The following LINGO2 variants were observed in gnomAD, a reference collection of about 807,000 sequenced individuals.
LINGO2 encodes leucine-rich repeat and immunoglobulin-like domain-containing nogo receptor-interacting protein 2.
Under a neutral mutation model 30.6 loss-of-function variants are expected in LINGO2, and 14 were observed. That is an observed-to-expected ratio of 0.46 (90% CI 0.30 to 0.72). LINGO2 has a LOEUF of 0.72. Ranked by LOEUF, LINGO2 falls within the 30% of genes least tolerant of loss-of-function variation. LINGO2 has a pLI of 0.07. For missense variants in LINGO2, 729 were observed against 751.7 expected (o/e 0.97, Z 0.35); for synonymous variants, 317 against 288.5 (o/e 1.10, Z -1.00).
chr9:28,336,391 C>A (rs1020059491), intron 3 of LINGO2, among the ~76,000 whole-genome samples: 2 of 152,220 alleles, frequency 1.3e-5, no homozygotes, highest in Admixed American at 6.5e-5. Flanking sequence ...TTAACAGTAT[C>A]ATTCACAGAA....
chr9:28,177,949 C>A (rs1828793890), intron 4 of LINGO2, among the ~76,000 whole-genome samples: 1 of 152,090 alleles, frequency 6.6e-6, no homozygotes, highest in South Asian at 2.1e-4. Context: ...TTTTCTTTAG[C>A]AGGGGCTTTT....
At chr9:28,901,374 T>C in the LINGO2 span, among the ~76,000 whole-genome samples, 1 of 152,026 alleles carries the variant, frequency 6.6e-6, no homozygotes, top group African/African-American at 2.4e-5. Context: ...CATATTAAAG[T>C]ATAAAACTCA....
the LINGO2 span, among the ~76,000 whole-genome samples, chr9:28,845,083 T>A: frequency 1.3e-5 from 2 of 151,852 alleles, no homozygotes; most frequent in Non-Finnish European, 2.9e-5. Flanking sequence ...AAATTCCTTG[T>A]CTCAAACAGG....
At chr9:28,108,068 G>A (rs1446727111) in intron 4 of LINGO2, among the ~76,000 whole-genome samples, 1 of 152,132 alleles carries the variant, frequency 6.6e-6, no homozygotes, top group Non-Finnish European at 1.5e-5. Context: ...CAAAAAGCTA[G>A]CAGCACTGCC....
the LINGO2 span, among the ~76,000 whole-genome samples, chr9:29,148,890 G>A: frequency 9.2e-5 from 14 of 152,030 alleles, no homozygotes; most frequent in African/African-American, 3.4e-4. Flanking sequence ...AAAGCTATAG[G>A]GCCAACTGTT....
chr9:28,921,057 C>A, the LINGO2 span, among the ~76,000 whole-genome samples: 2 of 152,014 alleles, frequency 1.3e-5, no homozygotes, highest in East Asian at 1.9e-4. Flanking sequence ...ATATGATAGC[C>A]AAATCACCTT....
chr9:28,831,492 G>A, the LINGO2 span, among the ~76,000 whole-genome samples: 1 of 152,112 alleles, frequency 6.6e-6, no homozygotes, highest in South Asian at 2.1e-4. Flanking sequence ...AGTGAGTCAT[G>A]TTCTTGGTTA....
intron 1 of LINGO2, among the ~76,000 whole-genome samples, chr9:28,497,110 C>A (rs1263338748): frequency 6.6e-6 from 1 of 152,168 alleles, no homozygotes. Flanking sequence ...TTCATTTCAA[C>A]TTTGGTGAAT....
chr9:28,652,968 G>C lies in LINGO2; in HGVS notation c.-365+17232C>G, dbSNP rs78993498. 8.4e-3 allele frequency among the ~76,000 whole-genome samples: 1,276 copies of C among 152,012 alleles called. 30 individuals carry two copies. Among genetic ancestry groups the C allele is most frequent in the Admixed American group, 0.035 (540 of 15,248 alleles). On this transcript the variant is annotated intron_variant, in intron 1 of 5. Coordinates refer to ENST00000379992, the Ensembl canonical transcript of LINGO2. ...GTGCGTTAGTTAAATTGATAGTAAG[G>C]ATATAGCTGAAACTCCAGATAAAAC...
At chr9:28,472,240 T>C (rs1825549658) in intron 2 of LINGO2, among the ~76,000 whole-genome samples, 1 of 152,228 alleles carries the variant, frequency 6.6e-6, no homozygotes, top group Non-Finnish European at 1.5e-5. Context: ...TACATGGTTA[T>C]TTTATATACC....
chr9:28,725,445 G>A, the LINGO2 span, among the ~76,000 whole-genome samples: 1 of 151,374 alleles, frequency 6.6e-6, no homozygotes, highest in Admixed American at 6.6e-5. Context: ...GGCAATGAAT[G>A]AACAACGTAT....
rs190847956 is a variant in LINGO2, at chr9:28,402,305, T to C, written c.-278-29437A>G. Among the ~76,000 whole-genome samples the C allele has an allele frequency of 3.0e-3, 457 of 152,228 alleles. 4 individuals are homozygous for C. Among genetic ancestry groups the C allele is most frequent in the African/African-American group, 0.011 (441 of 41,544 alleles). Reference sequence around the variant, plus strand: ...CTCTCTCTTTTCTTTCCCCCCTATTTGTTGAAAAAAGTGTTAGTATGTGAA... The same window carrying C: ...CTCTCTCTTTTCTTTCCCCCCTATTCGTTGAAAAAAGTGTTAGTATGTGAA... On this transcript the variant is annotated intron_variant, in intron 2 of 5. Transcript: ENST00000379992.
chr9:28,219,308 CT>C (rs1375250748), intron 4 of LINGO2, among the ~76,000 whole-genome samples: 2 of 152,144 alleles, frequency 1.3e-5, no homozygotes, highest in African/African-American at 4.8e-5. Context: ...TTTCTGCATA[CT>C]TGCTCTTTCT....
At chr9:29,209,271 C>G in the LINGO2 span, among the ~76,000 whole-genome samples, 1 of 152,072 alleles carries the variant, frequency 6.6e-6, no homozygotes, top group Non-Finnish European at 1.5e-5. Context: ...TGCAGCGAGA[C>G]ACAAGATGCA....
At chr9:28,167,137 G>C (rs1828449986) in intron 4 of LINGO2, among the ~76,000 whole-genome samples, 1 of 90,242 alleles carries the variant, frequency 1.1e-5, no homozygotes, top group African/African-American at 3.9e-5. Context: ...ACTTAATATA[G>C]CACCCCCCCC....
intron 4 of LINGO2, among the ~76,000 whole-genome samples, chr9:28,270,212 G>C (rs917241233): frequency 6.6e-6 from 1 of 151,966 alleles, no homozygotes; most frequent in African/African-American, 2.4e-5. Flanking sequence ...CATTTTATTT[G>C]AATACCAAAG....
At chr9:28,160,765 A>C (rs1370983097) in intron 4 of LINGO2, among the ~76,000 whole-genome samples, 1 of 152,206 alleles carries the variant, frequency 6.6e-6, no homozygotes, top group Non-Finnish European at 1.5e-5. Context: ...GACAATAAAT[A>C]GTTTCTAGAT....
At chr9:28,553,504 G>C (rs1057020939) in intron 1 of LINGO2, among the ~76,000 whole-genome samples, 2 of 152,056 alleles carry the variant, frequency 1.3e-5, no homozygotes, top group Admixed American at 6.5e-5. Flanking sequence ...TATGTGAAAA[G>C]ACCAAATCTA....
At chr9:28,746,143 T>C in the LINGO2 span, among the ~76,000 whole-genome samples, 75 of 152,110 alleles carry the variant, frequency 4.9e-4, 1 homozygote, top group Non-Finnish European at 9.1e-4. Flanking sequence ...ATTTTAAAGA[T>C]CTGACAATTA....
Sources: gnomAD v4.1 joint callset for allele counts (sites outside exome capture counted in the v4.1 genomes callset) on GRCh38, gnomAD v4.1.1 for gene constraint, MANE v1.5 for transcripts, NCBI Gene and HGNC (gene_info 2026-07-23, HGNC 2026-07-21) for gene names.